TTC9: variants seen among roughly 807,000 people sequenced by gnomAD.
The protein encoded by TTC9 is tetratricopeptide repeat domain 9, also known as tetratricopeptide repeat protein 9A.
A neutral mutation model predicts 22.9 loss-of-function variants in TTC9; 13 were observed. The observed-to-expected ratio is 0.57, with a 90% CI of 0.37 to 0.90. The LOEUF is 0.90. TTC9 is among the 40% of genes least tolerant of loss of function. The pLI is 0.01. For synonymous variants in TTC9, 148 were observed against 133.2 expected (o/e 1.11, Z -0.77); for missense variants, 280 against 291.8 (o/e 0.96, Z 0.29).
At chr14:70,644,010 A>C (rs1885867658) in intron 1 of TTC9, among the ~76,000 whole-genome samples, 3 of 152,212 alleles carry the variant, frequency 2.0e-5, no homozygotes, top group African/African-American at 7.2e-5. Flanking sequence ...TAGTTCCTGT[A>C]AGTCTTTGGC....
At chr14:70,651,490 A>G (rs1885984189) in intron 1 of TTC9, among the ~76,000 whole-genome samples, 1 of 152,104 alleles carries the variant, frequency 6.6e-6, no homozygotes, top group Non-Finnish European at 1.5e-5. Flanking sequence ...TATACTTGTC[A>G]AGCAACATTA....
rs889814190 is a variant in TTC9 at position 70,671,549 on chromosome 14, C to G, written c.*394C>G. 5.0e-6 allele frequency: 1 copy of G among 201,486 alleles called. No individual in the cohort carries two copies. The highest frequency in any genetic ancestry group is 1.0e-5 in the Non-Finnish European group (1 of 98,208). The allele number at this position is 201,486 out of a possible 1,614,324, so 12.5% of individuals were successfully genotyped here. A position where few individuals can be genotyped will look rare whatever the true frequency, so the allele number is the denominator to read the frequency against. ...CAGGCACACAGCCCATGGGCTGGAT[C>G]CTTCCACACTTTCCTGACAGACCAG... On this transcript the variant is annotated 3_prime_UTR_variant, in exon 3 of 3. Coordinates refer to ENST00000256367, the MANE Select transcript of TTC9 (RefSeq NM_015351.2).
chr14:70,645,653 G>T (rs1442976781), intron 1 of TTC9, among the ~76,000 whole-genome samples: 1 of 152,198 alleles, frequency 6.6e-6, no homozygotes, highest in Non-Finnish European at 1.5e-5. Context: ...TTTCCCCTGT[G>T]TGCCTGCTAA....
chr14:70,657,407 A>T (rs1886081999), intron 1 of TTC9, among the ~76,000 whole-genome samples: 1 of 152,232 alleles, frequency 6.6e-6, no homozygotes, highest in Non-Finnish European at 1.5e-5. Flanking sequence ...CAGCTTGGTT[A>T]TGATGAAAAG....
At chr14:70,663,757 G>T (rs991178473) in intron 1 of TTC9, among the ~76,000 whole-genome samples, 5 of 152,214 alleles carry the variant, frequency 3.3e-5, no homozygotes, top group Non-Finnish European at 7.3e-5. Context: ...GCCCCGCCCA[G>T]TGCCCAGCAG....
rs1455380322 is a variant in TTC9, at chr14:70,674,250, T to A, written c.*3095T>A. The A allele has an allele frequency of 6.6e-6, 1 of 152,188 alleles. No homozygotes were observed. Among genetic ancestry groups the A allele is most frequent in the Non-Finnish European group, 1.5e-5 (1 of 68,040 alleles). 9.4% of individuals were successfully genotyped at this position (152,188 alleles called of 1,614,324 possible). ...CCCTGCCTGGACTTTTGCGATGGAC[T>A]CTTTGGGGGAAAAACTAACGCTTTT... is the stretch of plus-strand genomic sequence containing the variant. On this transcript the variant is annotated 3_prime_UTR_variant, in exon 3 of 3. Coordinates refer to ENST00000256367, the MANE Select transcript of TTC9 (RefSeq NM_015351.2).
chr14:70,653,647 A>G (rs1886016573), intron 1 of TTC9, among the ~76,000 whole-genome samples: 1 of 152,166 alleles, frequency 6.6e-6, no homozygotes, highest in African/African-American at 2.4e-5. Context: ...CCAAATGAAT[A>G]AGGCTCAGTT....
chr14:70,652,137 C>A (rs915941445), intron 1 of TTC9, among the ~76,000 whole-genome samples: 8 of 152,186 alleles, frequency 5.3e-5, no homozygotes, highest in Non-Finnish European at 1.0e-4. Context: ...AAGCATTGAA[C>A]TATCCAGGAT....
At chr14:70,658,988 A>G (rs747148919) in intron 1 of TTC9, among the ~76,000 whole-genome samples, 13 of 152,242 alleles carry the variant, frequency 8.5e-5, no homozygotes, top group African/African-American at 1.9e-4. Flanking sequence ...TTCCATTTAT[A>G]TAATATTTTC....
chr14:70,661,538 G>A (rs1279924868), intron 1 of TTC9, among the ~76,000 whole-genome samples: 1 of 152,224 alleles, frequency 6.6e-6, no homozygotes, highest in African/African-American at 2.4e-5. Context: ...AAGAAAACCA[G>A]TGATTGCATG....
intron 2 of TTC9, 132 bp from the exon 3 acceptor site, chr14:70,670,944 A>G: frequency 1.4e-6 from 1 of 728,272 alleles, no homozygotes; most frequent in Non-Finnish European, 2.2e-6. Context: ...GCCACCATGG[A>G]TAGGCAGAAG....
intron 1 of TTC9, among the ~76,000 whole-genome samples, chr14:70,657,400 C>T (rs1334528646): frequency 2.0e-5 from 3 of 152,094 alleles, no homozygotes; most frequent in Admixed American, 6.6e-5. Flanking sequence ...AAGGGAGCAG[C>T]TTGGTTATGA....
At chr14:70,661,919 C>G (rs968199801) in intron 1 of TTC9, among the ~76,000 whole-genome samples, 1 of 152,142 alleles carries the variant, frequency 6.6e-6, no homozygotes, top group Non-Finnish European at 1.5e-5. Context: ...TTCTTGTCCC[C>G]CAGATTTGCC....
intron 1 of TTC9, among the ~76,000 whole-genome samples, chr14:70,659,735 T>C (rs1886118975): frequency 6.6e-6 from 1 of 152,138 alleles, no homozygotes; most frequent in Non-Finnish European, 1.5e-5. Context: ...TACCCATGCC[T>C]CAAATATGTC....
chr14:70,667,527 G>A, intron 1 of TTC9, 37 bp from the exon 2 acceptor site: 1 of 1,611,760 alleles, frequency 6.2e-7, no homozygotes, highest in Non-Finnish European at 8.5e-7. Context: ...GCTGGCCACT[G>A]TTGTGCTGAT....
chr14:70,674,534 A>G lies in TTC9; in HGVS notation c.*3379A>G. ...ATATGTAATCCTACACAGATACAAA[A>G]TTCAAAAAGTACAAACTGCTCTGTA... On this transcript the variant is annotated 3_prime_UTR_variant, in exon 3 of 3. Coordinates refer to ENST00000256367, the MANE Select transcript of TTC9 (RefSeq NM_015351.2). 6.6e-6 allele frequency: 1 copy of G among 152,224 alleles called. No homozygotes were observed. Among genetic ancestry groups the G allele is most frequent in the Non-Finnish European group, 1.5e-5 (1 of 68,034 alleles). The allele number at this position is 152,224 out of a possible 1,614,324, so 9.4% of individuals were successfully genotyped here. A position where few individuals can be genotyped will look rare whatever the true frequency, so the allele number is the denominator to read the frequency against.
In TTC9 at chr14:70,642,366, A is replaced by G. The variant is rs1446255716; in HGVS notation, c.237A>G (p.Lys79=). The G allele has an allele frequency of 1.9e-6, 3 of 1,605,300 alleles. No individual in the cohort carries two copies. Among genetic ancestry groups the G allele is most frequent in the African/African-American group, 1.3e-5 (1 of 74,332 alleles). Reference sequence around the variant, plus strand: ...AGAAATTCCGTGAAGCCATAGGCAAATACCACCGGGCGTTGCTGGAGCTGA... The same window carrying G: ...AGAAATTCCGTGAAGCCATAGGCAAGTACCACCGGGCGTTGCTGGAGCTGA... ...KDKKFREAIG[K]YHRALLELKG... is the part of the protein sequence containing the mutation. Residue 79 remains lysine (K), a synonymous_variant, in exon 1 of 3, where the codon AAA becomes AAG. Coordinates refer to ENST00000256367, the MANE Select transcript of TTC9 (RefSeq NM_015351.2).
At chr14:70,667,946 G>GC (rs1886237366) in intron 2 of TTC9, among the ~76,000 whole-genome samples, 200 bp downstream of exon 2, 1 of 152,066 alleles carries the variant, frequency 6.6e-6, no homozygotes, top group African/African-American at 2.4e-5. Context: ...GGGAGCACAG[G>GC]CCCCTCTTCT....
rs59260140 is a variant in TTC9 at position 70,671,403 on chromosome 14, C to T, written c.*248C>T. Reference sequence around the variant, plus strand: ...CTAGCAGGTCAGCGACTGAGAGGGGCCTGACTTCTGCTGGGACAGCTGGAG... The same window carrying T: ...CTAGCAGGTCAGCGACTGAGAGGGGTCTGACTTCTGCTGGGACAGCTGGAG... On this transcript the variant is annotated 3_prime_UTR_variant, in exon 3 of 3. Coordinates refer to ENST00000256367, the MANE Select transcript of TTC9 (RefSeq NM_015351.2). 31 of 405,164 alleles carry T rather than the reference C, an allele frequency of 7.7e-5. No homozygotes were observed. Among genetic ancestry groups the T allele is most frequent in the African/African-American group, 5.9e-4 (29 of 49,202 alleles). 25.1% of individuals were successfully genotyped at this position (405,164 alleles called of 1,614,324 possible). A position where few individuals can be genotyped will look rare whatever the true frequency, so the allele number is the denominator to read the frequency against.
Sources: allele counts gnomAD v4.1 joint callset (sites outside exome capture counted in the v4.1 genomes callset), GRCh38; gene constraint gnomAD v4.1.1; transcripts MANE v1.5; gene names NCBI Gene and HGNC (gene_info 2026-07-23, HGNC 2026-07-21).